Variants in NF1 observed in about 807,000 individuals in gnomAD.
The protein encoded by NF1 is neurofibromin 1.
NF1 carries 122 observed loss-of-function variants against 325.7 expected under a neutral mutation model. The observed-to-expected ratio is 0.37, with a 90% CI of 0.32 to 0.44. The LOEUF (loss-of-function observed/expected upper bound fraction) is 0.44. Among genes scored for constraint, NF1 ranks in the 20% least tolerant of loss-of-function variants. The pLI is 1.00. For synonymous variants in NF1, 1,091 were observed against 1,186.0 expected (o/e 0.92, Z 1.65); for missense variants, 2,140 against 3,415.4 (o/e 0.63, Z 9.31).
chr17:31,202,418 A>C (rs1196476622), intron 11 of NF1, among the ~76,000 whole-genome samples: 1 of 152,170 alleles, frequency 6.6e-6, no homozygotes, highest in Non-Finnish European at 1.5e-5. Context: ...TGTTGTATTT[A>C]TTTAAAATAA....
chr17:31,360,418 A>T (rs1271760177), intron 56 of NF1, 69 bp from the exon 57 acceptor site: 1 of 1,321,374 alleles, frequency 7.6e-7, no homozygotes, highest in Non-Finnish European at 1.1e-6. Flanking sequence ...CAAAATTAAT[A>T]TTTTTGGCTT....
Position 31,327,641 on chromosome 17 carries a change from C to T in NF1, c.5411C>T (p.Ala1804Val), listed in dbSNP as rs2151541278. Residue 1804 changes from alanine (A) to valine (V), a missense_variant, in exon 38 of 58, where the codon GCA (alanine) becomes GTA (valine). Physicochemically the swap from Ala to Val is moderately conservative, Grantham distance 64 (BLOSUM62 0). Transcript: ENST00000358273. Reference sequence around the variant, plus strand: ...GAGAACCAGTTCACCTTAACCATTGCAAACCAGGGCACGCCGCTCACCTTC... The same window carrying T: ...GAGAACCAGTTCACCTTAACCATTGTAAACCAGGGCACGCCGCTCACCTTC... ...VDENQFTLTIANQGTPLTFMH... is the reference protein window; with the variant it reads ...VDENQFTLTIVNQGTPLTFMH... 1.9e-6 allele frequency: 3 copies of T among 1,614,114 alleles called. No individual in the cohort carries two copies. The highest frequency in any genetic ancestry group is 2.5e-6 in the Non-Finnish European group (3 of 1,180,020).
intron 36 of NF1, among the ~76,000 whole-genome samples, chr17:31,285,744 G>A (rs1261204406): frequency 6.6e-6 from 1 of 152,104 alleles, no homozygotes; most frequent in African/African-American, 2.4e-5. Context: ...TTGTGAGGCT[G>A]AGATCGGAGA....
chr17:31,340,465 T>G, intron 46 of NF1, 40 bp from the exon 47 acceptor site: 2 of 1,613,910 alleles, frequency 1.2e-6, no homozygotes, highest in South Asian at 2.2e-5. Flanking sequence ...GACTATGTCA[T>G]GATTCATCTT....
At chr17:31,153,718 C>G (rs1917110072) in intron 1 of NF1, among the ~76,000 whole-genome samples, 1 of 151,772 alleles carries the variant, frequency 6.6e-6, no homozygotes, top group African/African-American at 2.4e-5. Flanking sequence ...TCAAGCAGTC[C>G]TCCTGCCTCA....
At chr17:31,181,155 T>C (rs1010093414) in intron 5 of NF1, among the ~76,000 whole-genome samples, 22 of 152,202 alleles carry the variant, frequency 1.4e-4, no homozygotes, top group African/African-American at 5.3e-4. Flanking sequence ...ATCCTGTATG[T>C]GTTTTATACT....
intron 36 of NF1, among the ~76,000 whole-genome samples, chr17:31,319,337 CAGTT>C (rs934712737): frequency 1.1e-4 from 16 of 151,126 alleles, no homozygotes; most frequent in African/African-American, 3.9e-4. Flanking sequence ...TGCTTTGAGT[CAGTT>C]AGTTCTGCTT....
Position 31,223,579 on chromosome 17 carries a change from G to T in NF1, c.1845+12G>T, listed in dbSNP as rs2144017551. The T allele has an allele frequency of 6.2e-7, 1 of 1,608,464 alleles. No homozygotes were observed. The highest frequency in any genetic ancestry group is 1.1e-5 in the South Asian group (1 of 90,830). On this transcript the variant is annotated intron_variant, in intron 16 of 57. Coordinates refer to ENST00000358273, the MANE Select transcript of NF1 (RefSeq NM_001042492.3). ...TTCTTAAAAATAAGGTAAGCAAAAT[G>T]ACATATTTAAAAAATGGAAGAATAT...
intron 8 of NF1, among the ~76,000 whole-genome samples, chr17:31,193,771 A>T (rs1025191128): frequency 2.0e-5 from 3 of 152,150 alleles, no homozygotes; most frequent in African/African-American, 7.2e-5. Flanking sequence ...TGACCAACAG[A>T]TATATTTTTT....
At chr17:31,274,828 C>T (rs1276866363) in intron 36 of NF1, among the ~76,000 whole-genome samples, 1 of 152,152 alleles carries the variant, frequency 6.6e-6, no homozygotes, top group Non-Finnish European at 1.5e-5. Flanking sequence ...TTGAGTACTA[C>T]ACTTACACAA....
chr17:31,172,079 T>C (rs772932247), intron 5 of NF1, among the ~76,000 whole-genome samples: 2 of 152,106 alleles, frequency 1.3e-5, no homozygotes. Flanking sequence ...CCAGGCCTGG[T>C]GGCTCACACA....
chr17:31,219,587 C>G (rs948596332), intron 14 of NF1, among the ~76,000 whole-genome samples: 1 of 151,500 alleles, frequency 6.6e-6, no homozygotes, highest in Admixed American at 6.6e-5. Flanking sequence ...CACCCATTAA[C>G]TTGTCATTTA....
At chr17:31,135,444 C>A (rs1179221705) in intron 1 of NF1, among the ~76,000 whole-genome samples, 1 of 152,080 alleles carries the variant, frequency 6.6e-6, no homozygotes, top group Non-Finnish European at 1.5e-5. Context: ...ATAAACAGTT[C>A]ATGGGAAACC....
At chr17:31,153,892 G>A (rs770154976) in intron 1 of NF1, among the ~76,000 whole-genome samples, 4 of 151,732 alleles carry the variant, frequency 2.6e-5, no homozygotes, top group African/African-American at 7.3e-5. Context: ...GGGATTACAG[G>A]CATGAGCCAT....
In NF1 at chr17:31,338,691, GT is replaced by G; in HGVS notation, c.6820-9del. 1 of 1,581,800 alleles carries G rather than the reference GT, an allele frequency of 6.3e-7. No homozygotes were observed. Among genetic ancestry groups the G allele is most frequent in the Non-Finnish European group, 8.7e-7 (1 of 1,151,134 alleles). On this transcript the variant is annotated splice_polypyrimidine_tract_variant and intron_variant, in intron 45 of 57. Transcript: ENST00000358273. ...CAATGAAAGTAAAATAAAAAATTCT[GT>G]TTTCCTAAAAGGCACTTGAGAGTTG...
At chr17:31,160,785 G>A (rs1450578983) in intron 3 of NF1, among the ~76,000 whole-genome samples, 3 of 152,066 alleles carry the variant, frequency 2.0e-5, no homozygotes, top group African/African-American at 7.2e-5. Context: ...AATGTATTTT[G>A]GAGAATGATT....
intron 2 of NF1, among the ~76,000 whole-genome samples, chr17:31,156,521 T>G (rs2065665410): frequency 1.3e-5 from 2 of 152,216 alleles, no homozygotes; most frequent in South Asian, 4.1e-4. Context: ...TGAATTTACT[T>G]ACGGTTGTCC....
intron 5 of NF1, among the ~76,000 whole-genome samples, chr17:31,173,489 G>A (rs890940005): frequency 2.0e-5 from 3 of 151,902 alleles, no homozygotes; most frequent in East Asian, 1.9e-4. Context: ...CCAGCTACTC[G>A]GGTGGCCGAG....
At chr17:31,296,439 T>A in intron 36 of NF1, 1 of 1,057,582 alleles carries the variant, frequency 9.5e-7, no homozygotes, top group Non-Finnish European at 1.5e-6. Flanking sequence ...AACCTCGTTG[T>A]TGTCGAGTCC....
Sources: allele counts gnomAD v4.1 joint callset (sites outside exome capture counted in the v4.1 genomes callset), GRCh38; gene constraint gnomAD v4.1.1; transcripts MANE v1.5; gene names NCBI Gene and HGNC (gene_info 2026-07-23, HGNC 2026-07-21).